ZNF292: variants seen among roughly 807,000 people sequenced by gnomAD.
ZNF292 encodes 16 zinc-finger domain protein.
A neutral mutation model predicts 217.9 loss-of-function variants in ZNF292; 26 were observed. The observed-to-expected ratio is 0.12, with a 90% CI of 0.09 to 0.17. The LOEUF is 0.17. ZNF292 is among the 10% of genes least tolerant of loss of function. The pLI is 1.00. For missense variants in ZNF292, 2,904 were observed against 3,175.2 expected (o/e 0.91, Z 2.05); for synonymous variants, 1,257 against 1,124.1 (o/e 1.12, Z -2.37).
intron 1 of ZNF292, among the ~76,000 whole-genome samples, chr6:87,193,251 G>A (rs1048155862): frequency 1.3e-5 from 2 of 152,152 alleles, no homozygotes; most frequent in African/African-American, 2.4e-5. Flanking sequence ...CTGAGCTTAT[G>A]TAACAGGTCA....
chr6:87,201,061 G>A (rs1772085973), intron 1 of ZNF292, among the ~76,000 whole-genome samples: 1 of 152,140 alleles, frequency 6.6e-6, no homozygotes, highest in African/African-American at 2.4e-5. Flanking sequence ...TCACAATTTG[G>A]GAGAGAGATG....
chr6:87,241,816 G>A (rs1004913571), intron 5 of ZNF292, among the ~76,000 whole-genome samples: 2 of 152,242 alleles, frequency 1.3e-5, no homozygotes, highest in Admixed American at 6.5e-5. Flanking sequence ...ATTTATGATC[G>A]TTCAGCTTAC....
intron 1 of ZNF292, among the ~76,000 whole-genome samples, chr6:87,200,978 A>C (rs1772084186): frequency 6.6e-6 from 1 of 152,194 alleles, no homozygotes; most frequent in African/African-American, 2.4e-5. Context: ...ATGGGGAAAC[A>C]AGTGTCTCAA....
chr6:87,253,921 AC>A (rs1459813134), intron 7 of ZNF292, among the ~76,000 whole-genome samples: 1 of 152,162 alleles, frequency 6.6e-6, no homozygotes, highest in Non-Finnish European at 1.5e-5. Context: ...CAAATGACTT[AC>A]CTTTGTTATT....
At chr6:87,165,127 GTTACA>G (rs1353777213) in intron 1 of ZNF292, among the ~76,000 whole-genome samples, 1 of 152,010 alleles carries the variant, frequency 6.6e-6, no homozygotes, top group Non-Finnish European at 1.5e-5. Context: ...AATTTGTTGT[GTTACA>G]TTATCTCTAC....
At chr6:87,197,532 C>T (rs897687763) in intron 1 of ZNF292, among the ~76,000 whole-genome samples, 3 of 149,204 alleles carry the variant, frequency 2.0e-5, no homozygotes, top group Non-Finnish European at 3.0e-5. Context: ...GTCGGGAGTT[C>T]GAGACCAGTC....
At chr6:87,161,984 C>T (rs1332598077) in intron 1 of ZNF292, among the ~76,000 whole-genome samples, 1 of 152,186 alleles carries the variant, frequency 6.6e-6, no homozygotes, top group East Asian at 1.9e-4. Flanking sequence ...CATAGCTGCT[C>T]ATGTAAGTTT....
chr6:87,178,423 C>T (rs914847197), intron 1 of ZNF292, among the ~76,000 whole-genome samples: 2 of 152,148 alleles, frequency 1.3e-5, no homozygotes, highest in African/African-American at 4.8e-5. Context: ...CTTATTTCAT[C>T]TCATTTCTGA....
intron 1 of ZNF292, among the ~76,000 whole-genome samples, chr6:87,178,519 C>T (rs761055160): frequency 6.6e-6 from 1 of 152,100 alleles, no homozygotes; most frequent in Non-Finnish European, 1.5e-5. Context: ...AGTAGTAGTA[C>T]TCTTATTAGC....
chr6:87,159,954 C>T (rs1441810475), intron 1 of ZNF292, among the ~76,000 whole-genome samples: 1 of 152,146 alleles, frequency 6.6e-6, no homozygotes, highest in Non-Finnish European at 1.5e-5. Flanking sequence ...CTTGCATTTA[C>T]TTGTTTTAGG....
chr6:87,156,042 G>A (rs971444068), intron 1 of ZNF292, among the ~76,000 whole-genome samples: 2 of 152,268 alleles, frequency 1.3e-5, no homozygotes, highest in Non-Finnish European at 2.9e-5. Context: ...CCGCGGCTGA[G>A]GAAATGTACA....
intron 1 of ZNF292, among the ~76,000 whole-genome samples, chr6:87,190,587 C>A (rs1188251130): frequency 2.6e-5 from 4 of 152,128 alleles, no homozygotes; most frequent in African/African-American, 9.7e-5. Context: ...GATTCTCCTG[C>A]CTCAGCCTCT....
chr6:87,181,741 G>A (rs1771479268), intron 1 of ZNF292, among the ~76,000 whole-genome samples: 1 of 151,978 alleles, frequency 6.6e-6, no homozygotes, highest in African/African-American at 2.4e-5. Context: ...GAGTGCAGTG[G>A]CACTGTCTCG....
At chr6:87,218,302 G>A (rs1049275501) in intron 3 of ZNF292, among the ~76,000 whole-genome samples, 2 of 152,172 alleles carry the variant, frequency 1.3e-5, no homozygotes, top group East Asian at 3.9e-4. Context: ...TATGCGTATG[G>A]ATATTCTGAT....
At position 87,265,868 on chromosome 6, in the gene ZNF292, G is replaced by T. The variant is rs1247911581; in HGVS notation, c.*4067G>T. Among the ~76,000 whole-genome samples, 3 of 152,138 alleles carry T rather than the reference G, an allele frequency of 2.0e-5. No homozygotes were observed. The highest frequency in any genetic ancestry group is 7.2e-5 in the African/African-American group (3 of 41,418). Reference sequence around the variant, plus strand: ...TTGTTAATGTTTTGAATATTACCCGGTATTCAAGTAATGCTCATTGAATTT... The same window carrying T: ...TTGTTAATGTTTTGAATATTACCCGTTATTCAAGTAATGCTCATTGAATTT... On this transcript the variant is annotated 3_prime_UTR_variant, in exon 8 of 8. Transcript: ENST00000369577.
chr6:87,222,975 GA>G (rs1773165128), intron 4 of ZNF292: 1 of 296,962 alleles, frequency 3.4e-6, no homozygotes, highest in Non-Finnish European at 7.0e-6. Context: ...TTTTGAGGAG[GA>G]AGACCAGAAA....
rs1775229278 is a variant in ZNF292, at chr6:87,256,613, T to C, written c.2984T>C (p.Phe995Ser). The C allele has an allele frequency of 3.7e-6, 6 of 1,613,666 alleles. No individual in the cohort carries two copies. Among genetic ancestry groups the C allele is most frequent in the Non-Finnish European group, 4.2e-6 (5 of 1,179,844 alleles). Residue 995 changes from phenylalanine to serine, a missense_variant, in exon 8 of 8, where the codon TTT (phenylalanine) becomes TCT (serine). Phe to Ser is a radical substitution (Grantham distance 155). Coordinates refer to ENST00000369577, the MANE Select transcript of ZNF292 (RefSeq NM_015021.3). ...CAGGAGAGAAAAGAACAAGATTGCT[T>C]TAATGATGCCCATGTTACTCAGAAT... ...GFQERKEQDC[F>S]NDAHVTQNSL...
rs914265423 is a variant in ZNF292, at chr6:87,263,230, A to G, written c.*1429A>G. 1 of 152,076 alleles carries G rather than the reference A, an allele frequency of 6.6e-6. No individual in the cohort carries two copies. Among genetic ancestry groups the G allele is most frequent in the African/African-American group, 2.4e-5 (1 of 41,442 alleles). 9.4% of individuals were successfully genotyped at this position (152,076 alleles called of 1,614,324 possible). ...CTTCATTTAAAGTCCAACTAAAATCAGTAGTAGAAACATAAGAAAACATCT... is the reference window on the plus strand; with the variant it reads ...CTTCATTTAAAGTCCAACTAAAATCGGTAGTAGAAACATAAGAAAACATCT... On this transcript the variant is annotated 3_prime_UTR_variant, in exon 8 of 8. Transcript: ENST00000369577.
chr6:87,199,850 C>T (rs1772057458), intron 1 of ZNF292, among the ~76,000 whole-genome samples: 1 of 152,148 alleles, frequency 6.6e-6, no homozygotes, highest in South Asian at 2.1e-4. Context: ...AGAGCAGTTA[C>T]TAGAGAATAT....
Sources: gnomAD v4.1 joint callset for allele counts (sites outside exome capture counted in the v4.1 genomes callset) on GRCh38, gnomAD v4.1.1 for gene constraint, MANE v1.5 for transcripts, NCBI Gene and HGNC (gene_info 2026-07-23, HGNC 2026-07-21) for gene names.